Variants in MARCHF1 observed in about 807,000 individuals in gnomAD.
MARCHF1 encodes membrane associated ring-CH-type finger 1.
A neutral mutation model predicts 54.2 loss-of-function variants in MARCHF1; 40 were observed. The observed-to-expected ratio is 0.74, with a 90% CI of 0.57 to 0.96. The LOEUF (loss-of-function observed/expected upper bound fraction) is 0.96, where lower values mean the gene tolerates loss of function less well. MARCHF1 is among the 40% of genes least tolerant of loss of function. The probability of loss-of-function intolerance (pLI) is 0.00; values close to 1 mark genes in which losing one functional copy is unlikely to be tolerated. For missense variants in MARCHF1, 586 were observed against 656.5 expected (o/e 0.89, Z 1.17); for synonymous variants, 236 against 236.3 (o/e 1.00, Z 0.01).
At chr4:163,578,678 T>G (rs778411180) in intron 8 of MARCHF1, among the ~76,000 whole-genome samples, 1 of 152,194 alleles carries the variant, frequency 6.6e-6, no homozygotes, top group Non-Finnish European at 1.5e-5. Context: ...ATGAATTGTC[T>G]TACAAAGACC....
chr4:163,529,513 A>G (rs981727175), intron 9 of MARCHF1, among the ~76,000 whole-genome samples: 69 of 152,036 alleles, frequency 4.5e-4, no homozygotes, highest in Non-Finnish European at 7.2e-4. Flanking sequence ...TTTAAAATGT[A>G]AAAGGAAAGG....
At chr4:164,036,489 G>A (rs890394689) in intron 2 of MARCHF1, among the ~76,000 whole-genome samples, 1 of 151,948 alleles carries the variant, frequency 6.6e-6, no homozygotes, top group African/African-American at 2.4e-5. Flanking sequence ...ATAAATATGT[G>A]GAATACATAA....
intron 2 of MARCHF1, among the ~76,000 whole-genome samples, chr4:164,087,108 G>T (rs1180109969): frequency 6.6e-6 from 1 of 152,058 alleles, no homozygotes; most frequent in Non-Finnish European, 1.5e-5. Context: ...TTGCCTCAGA[G>T]ATGAAGCACA....
At position 163,555,141 on chromosome 4, in the gene MARCHF1, G is replaced by T. The variant is rs543625475; in HGVS notation, c.1192-9398C>A. ...TGTTTGTATATCTGTCCTGAGGGTA[G>T]ATATAATATGTGGGATTTAGGCACA... is the stretch of plus-strand genomic sequence containing the variant. On this transcript the variant is annotated intron_variant, in intron 8 of 9. Transcript: ENST00000514618. 2.6e-5 allele frequency among the ~76,000 whole-genome samples: 4 copies of T among 152,334 alleles called. No individual in the cohort carries two copies. In the South Asian group the frequency reaches 8.3e-4, roughly 32 times the overall value.
chr4:164,051,257 A>T (rs1338952667), intron 2 of MARCHF1, among the ~76,000 whole-genome samples: 1 of 152,228 alleles, frequency 6.6e-6, no homozygotes, highest in Non-Finnish European at 1.5e-5. Flanking sequence ...ATCTGTTAGT[A>T]GAATTATAAT....
chr4:164,229,511 T>C (rs966703318), intron 1 of MARCHF1, among the ~76,000 whole-genome samples: 2 of 152,170 alleles, frequency 1.3e-5, no homozygotes, highest in African/African-American at 4.8e-5. Flanking sequence ...AAACAGGGTT[T>C]CAGTCTGTCA....
At chr4:163,800,289 G>A (rs1748043126) in intron 4 of MARCHF1, among the ~76,000 whole-genome samples, 2 of 151,866 alleles carry the variant, frequency 1.3e-5, no homozygotes, top group Non-Finnish European at 2.9e-5. Context: ...AAAAGGAAAT[G>A]TAATAGTTTT....
intron 5 of MARCHF1, among the ~76,000 whole-genome samples, chr4:163,637,397 C>G (rs1579141922): frequency 6.6e-6 from 1 of 151,740 alleles, no homozygotes; most frequent in African/African-American, 2.4e-5. Flanking sequence ...AACAAATTTA[C>G]AAGAAAAAAA....
intron 1 of MARCHF1, among the ~76,000 whole-genome samples, chr4:164,325,351 A>ATATG (rs915419356): frequency 2.0e-5 from 3 of 149,596 alleles, no homozygotes; most frequent in African/African-American, 7.3e-5. Context: ...ATATATATAT[A>ATATG]TATATTTGCA....
chr4:164,166,726 C>T (rs1382302883), intron 1 of MARCHF1, among the ~76,000 whole-genome samples: 2 of 151,752 alleles, frequency 1.3e-5, no homozygotes, highest in Non-Finnish European at 3.0e-5. Flanking sequence ...TTACAGATGA[C>T]ATGATCCTAT....
intron 1 of MARCHF1, among the ~76,000 whole-genome samples, chr4:164,332,220 T>C (rs1442558390): frequency 1.3e-5 from 2 of 152,344 alleles, no homozygotes; most frequent in East Asian, 1.9e-4. Context: ...AGAGCTTACA[T>C]ATCACCTAGA....
chr4:163,944,417 G>A (rs1751985736), intron 3 of MARCHF1, among the ~76,000 whole-genome samples: 2 of 152,138 alleles, frequency 1.3e-5, no homozygotes, highest in South Asian at 4.1e-4. Flanking sequence ...CACCTTTTGT[G>A]GGGAAGTCCA....
chr4:164,050,270 G>A (rs1039451973), intron 2 of MARCHF1, among the ~76,000 whole-genome samples: 2 of 78,084 alleles, frequency 2.6e-5, no homozygotes, highest in African/African-American at 1.1e-4. Context: ...GCGAGACACT[G>A]TCTCCAAAAA....
chr4:163,688,508 T>C (rs1043966620), intron 5 of MARCHF1, among the ~76,000 whole-genome samples: 10 of 152,258 alleles, frequency 6.6e-5, no homozygotes, highest in African/African-American at 2.4e-4. Context: ...AGTTAGAATA[T>C]CTGCAAAATA....
At chr4:164,349,726 A>T (rs1579742501) in intron 1 of MARCHF1, among the ~76,000 whole-genome samples, 1 of 152,218 alleles carries the variant, frequency 6.6e-6, no homozygotes, top group Non-Finnish European at 1.5e-5. Context: ...TTACCTATAA[A>T]AGAATGTAAT....
At chr4:164,317,217 T>A (rs556234279) in intron 1 of MARCHF1, among the ~76,000 whole-genome samples, 1 of 152,346 alleles carries the variant, frequency 6.6e-6, no homozygotes, top group Non-Finnish European at 1.5e-5. Context: ...TTTACCTGAT[T>A]TGGTATTGTC....
intron 3 of MARCHF1, among the ~76,000 whole-genome samples, chr4:163,925,288 T>C (rs764076597): frequency 4.0e-5 from 6 of 151,862 alleles, no homozygotes; most frequent in African/African-American, 9.7e-5. Flanking sequence ...ACCCCAGATA[T>C]GCAGTATTTG....
chr4:164,116,654 T>C (rs1053399752), intron 1 of MARCHF1, among the ~76,000 whole-genome samples: 1 of 152,052 alleles, frequency 6.6e-6, no homozygotes, highest in Non-Finnish European at 1.5e-5. Flanking sequence ...TAATTACAAT[T>C]ACTCAGTCAC....
intron 2 of MARCHF1, among the ~76,000 whole-genome samples, chr4:164,098,781 C>T (rs1755470817): frequency 1.3e-5 from 2 of 152,092 alleles, no homozygotes; most frequent in Admixed American, 6.5e-5. Context: ...TTAGGGCTGA[C>T]CATCTATATT....
Sources: allele counts gnomAD v4.1 joint callset (sites outside exome capture counted in the v4.1 genomes callset), GRCh38; gene constraint gnomAD v4.1.1; transcripts MANE v1.5; gene names NCBI Gene and HGNC (gene_info 2026-07-23, HGNC 2026-07-21).